The following BMX variants were observed in gnomAD, a reference collection of about 807,000 sequenced individuals.
BMX encodes BMX non-receptor tyrosine kinase.
BMX carries 31 observed loss-of-function variants against 59.2 expected under a neutral mutation model. That is an observed-to-expected ratio of 0.52 (90% confidence interval 0.39 to 0.71). The LOEUF is 0.71. BMX is among the 30% of genes least tolerant of loss of function. The pLI is 0.00. For missense variants in BMX, 474 were observed against 491.7 expected (o/e 0.96, Z 0.34); for synonymous variants, 185 against 181.0 (o/e 1.02, Z -0.18).
intron 11 of BMX, 152 bp from the exon 12 acceptor site, chrX:15,534,060 A>G (rs1925213599): frequency 2.4e-6 from 1 of 416,407 alleles, no homozygotes; most frequent in African/African-American, 2.6e-5. Flanking sequence ...CCAGATTTCA[A>G]GACTGAGAAA....
intron 6 of BMX, among the ~76,000 whole-genome samples, chrX:15,518,248 A>C (rs1924259530): frequency 9.0e-6 from 1 of 110,604 alleles, no homozygotes; most frequent in Admixed American, 9.6e-5. Context: ...AGTCACCAAA[A>C]AAAAAAAAAG....
chrX:15,555,771 C>G (rs934770672), intron 18 of BMX, among the ~76,000 whole-genome samples: 2 of 111,844 alleles, frequency 1.8e-5, no homozygotes, highest in African/African-American at 6.5e-5. Context: ...TTGATACTCT[C>G]AGATTTTCCA....
At chrX:15,541,025 T>C (rs1467159950) in intron 14 of BMX, among the ~76,000 whole-genome samples, 1 of 87,535 alleles carries the variant, frequency 1.1e-5, no homozygotes, top group Non-Finnish European at 2.2e-5. Context: ...TAGCTTAACC[T>C]ATGCATCTCA....
Position 15,529,822 on chromosome X carries a change from T to C in BMX, c.885-151T>C, listed in dbSNP as rs1924977383. ...GTGGGGACTTAAGCATTTGTATTTCTGAAAAGCTCCTCAAATCATTCTCTG... is the reference window on the plus strand; with the variant it reads ...GTGGGGACTTAAGCATTTGTATTTCCGAAAAGCTCCTCAAATCATTCTCTG... On this transcript the variant is annotated intron_variant, in intron 9 of 18. Transcript: ENST00000348343. The C allele has an allele frequency of 1.2e-5, 5 of 414,497 alleles. No individual in the cohort carries two copies. The East Asian group carries it at 1.9e-4, about 16-fold the overall frequency. 34.2% of individuals were successfully genotyped at this position (414,497 alleles called of 1,213,427 possible). A position where few individuals can be genotyped will look rare whatever the true frequency, so the allele number is the denominator to read the frequency against.
rs777900815 is a variant in BMX at position 15,518,692 on chromosome X, G to A, written c.510+699G>A. Reference sequence around the variant, plus strand: ...TGCTTTTGGGGAGGGATTTTGGGGGGGCTGAGATTCATGGCCCTTTCAGAG... The same window carrying A: ...TGCTTTTGGGGAGGGATTTTGGGGGAGCTGAGATTCATGGCCCTTTCAGAG... On this transcript the variant is annotated intron_variant, in intron 6 of 18. Coordinates refer to ENST00000348343, the MANE Select transcript of BMX (RefSeq NM_203281.3). Among the ~76,000 whole-genome samples the A allele has an allele frequency of 6.4e-4, 71 of 111,048 alleles. No individual in the cohort carries two copies. The South Asian group carries it at 7.8e-3, about 12-fold the overall frequency.
intron 12 of BMX, 127 bp from the exon 13 acceptor site, chrX:15,536,226 C>A: frequency 3.4e-6 from 2 of 595,288 alleles, no homozygotes; most frequent in Non-Finnish European, 5.3e-6. Context: ...TCTCTCTCTG[C>A]ATTACAACAT....
At chrX:15,526,760 A>G (rs1343705816) in intron 9 of BMX, among the ~76,000 whole-genome samples, 1 of 108,865 alleles carries the variant, frequency 9.2e-6, no homozygotes, top group Admixed American at 9.8e-5. Flanking sequence ...TAATTTTTGT[A>G]TTTTTAGTAG....
intron 7 of BMX, among the ~76,000 whole-genome samples, chrX:15,523,755 G>T (rs1384993782): frequency 9.0e-6 from 1 of 111,691 alleles, no homozygotes; most frequent in Non-Finnish European, 1.9e-5. Context: ...AGGTGAAGCT[G>T]ACTGCCCTGT....
At position 15,546,927 on chromosome X, in the gene BMX, GA is replaced by G. The variant is rs770154238; in HGVS notation, c.1795+7del. The G allele has an allele frequency of 8.4e-7, 1 of 1,185,703 alleles. No homozygotes were observed. ...GTCAGACGTATGGGCATTTGGTAAG[GA>G]TGTGGCCACATACGACCTGGCCCTG... On this transcript the variant is annotated splice_region_variant and intron_variant, in intron 17 of 18. Transcript: ENST00000348343.
intron 4 of BMX, among the ~76,000 whole-genome samples, chrX:15,514,155 GAGC>G (rs1336258631): frequency 8.9e-6 from 1 of 111,843 alleles, no homozygotes; most frequent in East Asian, 2.8e-4. Flanking sequence ...GAAGCTTAGA[GAGC>G]AGGAAGGCAA....
At chrX:15,539,231 T>C (rs1201510120) in intron 14 of BMX, among the ~76,000 whole-genome samples, 21 of 110,779 alleles carry the variant, frequency 1.9e-4, no homozygotes, top group Non-Finnish European at 5.7e-5. Context: ...TTAAAACATA[T>C]TTTTGCCATT....
At position 15,546,853 on chromosome X, in the gene BMX, T is replaced by C; in HGVS notation, c.1727T>C (p.Val576Ala). 5 of 1,210,938 alleles carry C rather than the reference T, an allele frequency of 4.1e-6. No homozygotes were observed. In the South Asian group the frequency reaches 8.8e-5, roughly 21 times the overall value. ...YVSSVGTKFPVKWSAPEVFHY... is the reference protein window; with the variant it reads ...YVSSVGTKFPAKWSAPEVFHY... The stretch of plus-strand genomic sequence containing the variant: ...AGTTCAGTCGGAACAAAGTTTCCAG[T>C]CAAGTGGTCAGCTCCAGAGGTGTTT... The change falls in exon 17 of 19, where the codon GTC (valine) becomes GCC (alanine). Residue 576 changes from valine (V) to alanine (A), a missense_variant. By Grantham distance (64) the Val-to-Ala change is moderately conservative. Transcript: ENST00000348343.
At position 15,508,272 on chromosome X, in the gene BMX, G is replaced by A. The variant is rs2147103103; in HGVS notation, c.-9-73G>A. On this transcript the variant is annotated intron_variant, in intron 1 of 18. Transcript: ENST00000348343. ...TATCCCTTAATAGGAAATCGTTGAG[G>A]AAAAGATATGAAGGTTAAAGAGAAC... 6.9e-6 allele frequency: 5 copies of A among 720,475 alleles called. No homozygotes were observed. In the South Asian group the frequency reaches 2.3e-4, roughly 33 times the overall value. The allele number at this position is 720,475 out of a possible 1,213,427, so 59.4% of individuals were successfully genotyped here. A position where few individuals can be genotyped will look rare whatever the true frequency, so the allele number is the denominator to read the frequency against.
intron 6 of BMX, among the ~76,000 whole-genome samples, chrX:15,519,268 G>A (rs780028629): frequency 3.6e-5 from 4 of 111,644 alleles, no homozygotes; most frequent in Admixed American, 9.5e-5. Context: ...ACACACATTC[G>A]CACACACTTC....
chrX:15,511,295 A>T lies in BMX; in HGVS notation c.244-142A>T, dbSNP rs1014580530. The T allele has an allele frequency of 1.2e-5, 5 of 417,435 alleles. No homozygotes were observed. In the South Asian group the frequency reaches 1.7e-4, roughly 14 times the overall value. 34.4% of individuals were successfully genotyped at this position (417,435 alleles called of 1,213,427 possible). ...GATAACTGGAGGATTTTTTAAGAAA[A>T]TTTTTTTCATCTAATTCCAGAGCTG... On this transcript the variant is annotated intron_variant, in intron 3 of 18. Coordinates refer to ENST00000348343, the MANE Select transcript of BMX (RefSeq NM_203281.3).
intron 7 of BMX, among the ~76,000 whole-genome samples, chrX:15,523,718 C>G (rs1341176472): frequency 1.8e-5 from 2 of 111,759 alleles, no homozygotes; most frequent in African/African-American, 6.5e-5. Context: ...CTGACAGAAA[C>G]TCCAGTGATT....
At chrX:15,526,958 TTAA>T (rs751770387) in intron 9 of BMX, among the ~76,000 whole-genome samples, 14 of 109,624 alleles carry the variant, frequency 1.3e-4, no homozygotes, top group Middle Eastern at 4.7e-3. Flanking sequence ...ATTATACCCG[TTAA>T]TAATAACTTA....
chrX:15,501,019 T>A, intron 1 of BMX, 79 bp downstream of exon 1: 1 of 716,492 alleles, frequency 1.4e-6, no homozygotes, highest in East Asian at 1.5e-4. Flanking sequence ...TTGTGGGGCC[T>A]GAAGTTACAA....
chrX:15,547,806 A>G (rs1053903483), intron 17 of BMX, among the ~76,000 whole-genome samples: 41 of 112,140 alleles, frequency 3.7e-4, no homozygotes, highest in Non-Finnish European at 4.1e-4. Flanking sequence ...ACATTTTATG[A>G]TATTTTTTCT....
Sources: gnomAD v4.1 joint callset for allele counts (sites outside exome capture counted in the v4.1 genomes callset) on GRCh38, gnomAD v4.1.1 for gene constraint, MANE v1.5 for transcripts, NCBI Gene and HGNC (gene_info 2026-07-23, HGNC 2026-07-21) for gene names.